NMS: variants seen among roughly 807,000 people sequenced by gnomAD.
NMS encodes neuromedin S.
Under a neutral mutation model 32.2 loss-of-function variants are expected in NMS, and 30 were observed. The ratio of observed to expected loss-of-function variants is 0.93; its 90% CI spans 0.70 to 1.26. The LOEUF (loss-of-function observed/expected upper bound fraction) is 1.26. Ranked by LOEUF, NMS falls within the 50% of genes most tolerant of loss-of-function variation. The pLI, the probability that NMS is intolerant of heterozygous loss-of-function variation, is 0.00. For synonymous variants in NMS, 76 were observed against 58.5 expected (o/e 1.30, Z -1.37); for missense variants, 190 against 186.3 (o/e 1.02, Z -0.12).
intron 6 of NMS, 127 bp from the exon 7 acceptor site, chr2:100,480,369 C>T: frequency 3.3e-6 from 3 of 915,866 alleles, no homozygotes; most frequent in Non-Finnish European, 5.2e-6. Context: ...ATGCTCTCCA[C>T]CTCCTCTTTT....
At chr2:100,474,654 T>C (rs1677072041) in intron 3 of NMS, among the ~76,000 whole-genome samples, 1 of 152,244 alleles carries the variant, frequency 6.6e-6, no homozygotes, top group South Asian at 2.1e-4. Context: ...ATTTGTGAAG[T>C]GCTTTCAACA....
In NMS at chr2:100,477,226, T is replaced by C. The variant is rs769741793; in HGVS notation, c.184-18T>C. On this transcript the variant is annotated intron_variant, in intron 3 of 9. Coordinates refer to ENST00000376865, the MANE Select transcript of NMS (RefSeq NM_001011717.1). ...CTGTAAAATTTCATCTAACTTACCCTCACAATTCTCTTTCCAGGATAATCA... is the reference window on the plus strand; with the variant it reads ...CTGTAAAATTTCATCTAACTTACCCCCACAATTCTCTTTCCAGGATAATCA... 2.2e-5 allele frequency: 36 copies of C among 1,612,330 alleles called. No homozygotes were observed. In the East Asian group the frequency reaches 8.0e-4, roughly 36 times the overall value.
intron 5 of NMS, among the ~76,000 whole-genome samples, chr2:100,478,278 T>C (rs1375121675): frequency 2.0e-5 from 3 of 152,126 alleles, no homozygotes; most frequent in African/African-American, 7.2e-5. Flanking sequence ...TAACTTTTAA[T>C]TCAGGTACCC....
rs1009391231 is a variant in NMS, at chr2:100,479,445, T to C, written c.336+18T>C. 6.2e-7 allele frequency: 1 copy of C among 1,602,774 alleles called. No individual in the cohort carries two copies. Among genetic ancestry groups the C allele is most frequent in the African/African-American group, 1.3e-5 (1 of 74,734 alleles). Reference sequence around the variant, plus strand: ...TGCAGCGAGTACGTGCTTTTATTCTTCCACCATAGTTTATGCCCCTCACAG... The same window carrying C: ...TGCAGCGAGTACGTGCTTTTATTCTCCCACCATAGTTTATGCCCCTCACAG... On this transcript the variant is annotated intron_variant, in intron 6 of 9. Transcript: ENST00000376865.
At chr2:100,481,225 T>A in intron 8 of NMS, 58 bp downstream of exon 8, 1 of 1,517,912 alleles carries the variant, frequency 6.6e-7, no homozygotes, top group Non-Finnish European at 9.2e-7. Flanking sequence ...GCCATCCCAA[T>A]CATGGAGTGA....
In NMS at chr2:100,479,348, T is replaced by C. The variant is rs371256459; in HGVS notation, c.262-5T>C. ...TCTGACCCTCTCCGCGCCTGTCTGT[T>C]GCAGTTTCCTCCAGTGCATCCTCTA... On this transcript the variant is annotated splice_region_variant and splice_polypyrimidine_tract_variant and intron_variant, in intron 5 of 9. Transcript: ENST00000376865. 5.5e-5 allele frequency: 88 copies of C among 1,606,088 alleles called. 1 individual carries two copies. In the East Asian group the frequency reaches 7.7e-4, roughly 14 times the overall value.
In NMS at chr2:100,482,307, GC is replaced by G. The variant is rs1312113768; in HGVS notation, c.448del (p.Gln150ArgfsTer?). 9 of 1,613,832 alleles carry G rather than the reference GC, an allele frequency of 5.6e-6. No individual in the cohort carries two copies. The highest frequency in any genetic ancestry group is 5.1e-6 in the Non-Finnish European group (6 of 1,179,856). ...GAATGGAAGAAACATTGAAGATGAGGCCCAGTAGGTAGTCCAAGATCAGCTT... is the reference window on the plus strand; with the variant it reads ...GAATGGAAGAAACATTGAAGATGAGGCCAGTAGGTAGTCCAAGATCAGCTT... ...PRNGRNIEDEAQIQW is the reference protein window; with the variant it reads ...PRNGRNIEDEXQIQW On this transcript the variant is annotated frameshift_variant, in exon 9 of 10. Coordinates refer to ENST00000376865, the MANE Select transcript of NMS (RefSeq NM_001011717.1). LOFTEE classifies it high-confidence loss of function.
At chr2:100,482,148 C>T (rs1677231020) in intron 8 of NMS, 129 bp from the exon 9 acceptor site, 1 of 888,794 alleles carries the variant, frequency 1.1e-6, no homozygotes, top group East Asian at 2.5e-5. Flanking sequence ...GGTGAGTCCC[C>T]ATGGAGGGGA....
chr2:100,480,410 G>T, intron 6 of NMS, 86 bp from the exon 7 acceptor site: 3 of 1,371,792 alleles, frequency 2.2e-6, no homozygotes, highest in Non-Finnish European at 3.1e-6. Context: ...TTAGAAGCAA[G>T]GCAGGGAGGG....
intron 6 of NMS, among the ~76,000 whole-genome samples, chr2:100,480,006 A>T (rs1401776491): frequency 1.3e-5 from 2 of 152,160 alleles, no homozygotes; most frequent in Non-Finnish European, 2.9e-5. Flanking sequence ...GGACTTTCCT[A>T]GTTTTAGCTC....
intron 3 of NMS, among the ~76,000 whole-genome samples, chr2:100,474,498 T>C (rs978626494): frequency 7.9e-5 from 12 of 152,232 alleles, no homozygotes; most frequent in African/African-American, 2.7e-4. Context: ...ATCCAGACTC[T>C]AAAACAAAAA....
intron 5 of NMS, among the ~76,000 whole-genome samples, chr2:100,478,621 C>A (rs150138361): frequency 0.045 from 6,848 of 152,208 alleles, 374 homozygotes; most frequent in African/African-American, 0.13. Flanking sequence ...CGTGCCACCA[C>A]ACCTGGCTAA....
At chr2:100,474,981 G>A (rs1169310757) in intron 3 of NMS, among the ~76,000 whole-genome samples, 1 of 152,128 alleles carries the variant, frequency 6.6e-6, no homozygotes, top group Non-Finnish European at 1.5e-5. Flanking sequence ...GTGAAGACTG[G>A]GGGTGTCCTC....
At chr2:100,473,590 C>A (rs531081607) in intron 3 of NMS, 51 bp downstream of exon 3, 31 of 651,600 alleles carry the variant, frequency 4.8e-5, no homozygotes, top group African/African-American at 4.5e-4. Context: ...ATATATGCAA[C>A]AAACACACTC....
At chr2:100,477,080 A>G (rs1168970593) in intron 3 of NMS, among the ~76,000 whole-genome samples, 164 bp from the exon 4 acceptor site, 3 of 152,194 alleles carry the variant, frequency 2.0e-5, no homozygotes, top group African/African-American at 4.8e-5. Flanking sequence ...TGCATCAACT[A>G]TAGACTCATT....
chr2:100,479,363 T>C lies in NMS; in HGVS notation c.272T>C (p.Val91Ala). Residue 91 changes from valine (V) to alanine (A), a missense_variant, in exon 6 of 10, where the codon GTG becomes GCG. Val to Ala is a moderately conservative substitution (Grantham distance 64). Coordinates refer to ENST00000376865, the MANE Select transcript of NMS (RefSeq NM_001011717.1). ...THPVKTGFPP[V>A]HPLMHLAAKL... ...GCCTGTCTGTTGCAGTTTCCTCCAG[T>C]GCATCCTCTAATGCACCTGGCTGCC... The C allele has an allele frequency of 6.2e-7, 1 of 1,609,610 alleles. No individual in the cohort carries two copies. The highest frequency in any genetic ancestry group is 8.5e-7 in the Non-Finnish European group (1 of 1,177,916).
intron 6 of NMS, among the ~76,000 whole-genome samples, chr2:100,479,650 C>T (rs1677179471): frequency 6.6e-6 from 1 of 152,186 alleles, no homozygotes; most frequent in Non-Finnish European, 1.5e-5. Flanking sequence ...CGGGGAGAGA[C>T]CCCATGGCCC....
intron 3 of NMS, among the ~76,000 whole-genome samples, chr2:100,474,032 G>T (rs1677053908): frequency 6.6e-6 from 1 of 152,028 alleles, no homozygotes; most frequent in Non-Finnish European, 1.5e-5. Flanking sequence ...ACAAAAATTA[G>T]CCGGGCAAGG....
Position 100,472,836 on chromosome 2 carries a change from A to G in NMS, c.118A>G (p.Ile40Val). 1 of 1,610,082 alleles carries G rather than the reference A, an allele frequency of 6.2e-7. No individual in the cohort carries two copies. The highest frequency in any genetic ancestry group is 8.5e-7 in the Non-Finnish European group (1 of 1,176,734). Reference protein sequence around the residue: ...PLADPSDGLDIVQLEQLAYCL... With the variant: ...PLADPSDGLDVVQLEQLAYCL... ...AGCTGATCCTTCAGATGGCTTGGAT[A>G]TTGTGCAGCTTGAGGTACCCAATTA... The change falls in exon 2 of 10, where the codon ATT becomes GTT. Residue 40 changes from isoleucine (I) to valine (V), a missense_variant. Transcript: ENST00000376865.
Sources: allele counts gnomAD v4.1 joint callset (sites outside exome capture counted in the v4.1 genomes callset), GRCh38; gene constraint gnomAD v4.1.1; transcripts MANE v1.5; gene names NCBI Gene and HGNC (gene_info 2026-07-23, HGNC 2026-07-21).